ZNF804A: variants seen among roughly 807,000 people sequenced by gnomAD.
ZNF804A encodes the protein zinc finger protein 804A.
In ZNF804A, 2 loss-of-function variants were observed where a neutral mutation model predicts 16.5. That is an observed-to-expected ratio of 0.12 (90% CI 0.05 to 0.38). The LOEUF is 0.38. Among genes scored for constraint, ZNF804A ranks in the 10% least tolerant of loss-of-function variants. ZNF804A has a pLI of 0.99. For missense variants in ZNF804A, 1,473 were observed against 1,390.7 expected, an observed-to-expected ratio of 1.06 and a Z score of -0.94; for synonymous variants, 534 against 489.6, an observed-to-expected ratio of 1.09 and a Z score of -1.20.
chr2:184,695,400 G>A (rs1254645568), intron 1 of ZNF804A, among the ~76,000 whole-genome samples: 2 of 146,580 alleles, frequency 1.4e-5, no homozygotes, highest in Admixed American at 6.9e-5. Flanking sequence ...GGCGGAGCTC[G>A]CAGTGAGCCG....
intron 1 of ZNF804A, among the ~76,000 whole-genome samples, chr2:184,850,873 A>C (rs1214723377): frequency 1.3e-5 from 2 of 151,804 alleles, no homozygotes; most frequent in South Asian, 4.1e-4. Context: ...GCAAGGATGT[A>C]TGTGATTACA....
At chr2:184,888,818 C>T (rs1405072924) in intron 2 of ZNF804A, among the ~76,000 whole-genome samples, 2 of 152,116 alleles carry the variant, frequency 1.3e-5, no homozygotes, top group Non-Finnish European at 2.9e-5. Flanking sequence ...CTATCCTCTG[C>T]TTTTCTTAGT....
chr2:184,735,959 T>C (rs543082618), intron 1 of ZNF804A, among the ~76,000 whole-genome samples: 1 of 152,208 alleles, frequency 6.6e-6, no homozygotes, highest in African/African-American at 2.4e-5. Flanking sequence ...TGATTTATTT[T>C]TATATTTCAT....
chr2:184,608,633 A>G (rs1235673755), intron 1 of ZNF804A, among the ~76,000 whole-genome samples: 1 of 152,198 alleles, frequency 6.6e-6, no homozygotes, highest in East Asian at 1.9e-4. Flanking sequence ...TGACAAGAGA[A>G]TACTATTCCT....
At chr2:184,654,618 G>A (rs1309589546) in intron 1 of ZNF804A, among the ~76,000 whole-genome samples, 1 of 152,066 alleles carries the variant, frequency 6.6e-6, no homozygotes, top group Non-Finnish European at 1.5e-5. Context: ...GCAGATCTTT[G>A]CTGCTAAGTG....
At chr2:184,666,100 C>A (rs904717749) in intron 1 of ZNF804A, among the ~76,000 whole-genome samples, 1 of 152,122 alleles carries the variant, frequency 6.6e-6, no homozygotes, top group Non-Finnish European at 1.5e-5. Flanking sequence ...ATTCTGAGTA[C>A]CACAGTTACT....
intron 1 of ZNF804A, among the ~76,000 whole-genome samples, chr2:184,859,709 T>C (rs1287850431): frequency 6.6e-6 from 1 of 152,202 alleles, no homozygotes; most frequent in Non-Finnish European, 1.5e-5. Context: ...GCATTAGAAA[T>C]AGTTTATTAT....
intron 1 of ZNF804A, among the ~76,000 whole-genome samples, chr2:184,713,304 C>T (rs1693159400): frequency 6.6e-6 from 1 of 151,812 alleles, no homozygotes; most frequent in Non-Finnish European, 1.5e-5. Flanking sequence ...TCTCCATATT[C>T]TCCACTGACT....
At chr2:184,606,275 C>G (rs1297534055) in intron 1 of ZNF804A, among the ~76,000 whole-genome samples, 2 of 152,126 alleles carry the variant, frequency 1.3e-5, no homozygotes, top group Admixed American at 1.3e-4. Flanking sequence ...CCTCAGAAAA[C>G]TTACAATCAT....
At chr2:184,738,457 A>T (rs1693667498) in intron 1 of ZNF804A, among the ~76,000 whole-genome samples, 1 of 152,200 alleles carries the variant, frequency 6.6e-6, no homozygotes, top group Non-Finnish European at 1.5e-5. Flanking sequence ...CTATGTTGAC[A>T]TCAAATTATA....
chr2:184,880,127 G>A (rs977309587), intron 2 of ZNF804A, among the ~76,000 whole-genome samples: 9 of 152,070 alleles, frequency 5.9e-5, no homozygotes, highest in South Asian at 2.1e-4. Flanking sequence ...AAGAGTGATC[G>A]ACAGATAGCA....
chr2:184,639,068 CTTTTTTT>C (rs34389839), intron 1 of ZNF804A, among the ~76,000 whole-genome samples: 6 of 107,412 alleles, frequency 5.6e-5, no homozygotes, highest in African/African-American at 1.9e-4. Context: ...AAGCCCCCTC[CTTTTTTT>C]TTTTTTTTTT....
At chr2:184,734,166 A>G (rs750057918) in intron 1 of ZNF804A, among the ~76,000 whole-genome samples, 3 of 151,980 alleles carry the variant, frequency 2.0e-5, no homozygotes, top group South Asian at 2.1e-4. Flanking sequence ...GCATGCTCAA[A>G]CACCTAGGCT....
chr2:184,812,430 A>G (rs976447596), intron 1 of ZNF804A, among the ~76,000 whole-genome samples: 2 of 152,190 alleles, frequency 1.3e-5, no homozygotes, highest in African/African-American at 4.8e-5. Flanking sequence ...GAAGATAAAG[A>G]TTAAAAAAAC....
At chr2:184,773,890 T>G (rs1361975697) in intron 1 of ZNF804A, among the ~76,000 whole-genome samples, 1 of 151,920 alleles carries the variant, frequency 6.6e-6, no homozygotes, top group Non-Finnish European at 1.5e-5. Context: ...AACACCATAT[T>G]GAAGTTTAGT....
intron 1 of ZNF804A, among the ~76,000 whole-genome samples, chr2:184,815,276 C>T (rs1339719628): frequency 6.6e-6 from 1 of 151,788 alleles, no homozygotes; most frequent in Non-Finnish European, 1.5e-5. Flanking sequence ...TTATCAAATC[C>T]ATACTAGGTT....
chr2:184,939,222 A>C lies in ZNF804A; in HGVS notation c.*196A>C. On this transcript the variant is annotated 3_prime_UTR_variant, in exon 4 of 4. Coordinates refer to ENST00000302277, the MANE Select transcript of ZNF804A (RefSeq NM_194250.2). The stretch of plus-strand genomic sequence containing the variant: ...AAGTTTCTGATATATAATATTATTA[A>C]AGCACTGAATAGTTTGAAAATCAAT... 1 of 596,450 alleles carries C rather than the reference A, an allele frequency of 1.7e-6. No homozygotes were observed. The highest frequency in any genetic ancestry group is 2.8e-6 in the Non-Finnish European group (1 of 351,130). The allele number at this position is 596,450 out of a possible 1,614,324, so 36.9% of individuals were successfully genotyped here.
At chr2:184,705,031 A>G (rs1692999760) in intron 1 of ZNF804A, among the ~76,000 whole-genome samples, 1 of 152,218 alleles carries the variant, frequency 6.6e-6, no homozygotes. Flanking sequence ...GCTCTTTCAG[A>G]TTATAAATTG....
At chr2:184,790,655 G>T in intron 1 of ZNF804A, among the ~76,000 whole-genome samples, 1 of 152,044 alleles carries the variant, frequency 6.6e-6, no homozygotes, top group East Asian at 1.9e-4. Context: ...CCAGGCTGGA[G>T]TTCAGTGGAG....
Sources: allele counts gnomAD v4.1 joint callset (sites outside exome capture counted in the v4.1 genomes callset), GRCh38; gene constraint gnomAD v4.1.1; transcripts MANE v1.5; gene names NCBI Gene and HGNC (gene_info 2026-07-23, HGNC 2026-07-21).